Variants in PRRG1 observed in about 807,000 individuals in gnomAD.
PRRG1 encodes the protein transmembrane gamma-carboxyglutamic acid protein 1.
PRRG1 carries 5 observed loss-of-function variants against 11.8 expected under a neutral mutation model. That is an observed-to-expected ratio of 0.42 (90% CI 0.22 to 0.89). PRRG1 has a LOEUF of 0.89. PRRG1 is among the 40% of genes least tolerant of loss of function. PRRG1 has a pLI of 0.28. For missense variants in PRRG1, 155 were observed against 166.1 expected, an observed-to-expected ratio of 0.93 and a Z score of 0.37; for synonymous variants, 66 against 60.4, an observed-to-expected ratio of 1.09 and a Z score of -0.43.
chrX:37,450,068 G>A (rs1921061220), intron 3 of PRRG1, among the ~76,000 whole-genome samples: 1 of 112,398 alleles, frequency 8.9e-6, no homozygotes, highest in South Asian at 3.7e-4. Flanking sequence ...TTAATTGAAA[G>A]TATTTAATCT....
rs781802869 is a variant in PRRG1 at position 37,455,256 on chromosome X, G to A, written c.*1635G>A. On this transcript the variant is annotated 3_prime_UTR_variant, in exon 4 of 4. Coordinates refer to ENST00000378628, the MANE Select transcript of PRRG1 (RefSeq NM_001142395.2). ...CCCTCAACCTCCTCAACTCTAAAATGGGGATAACATCATTTGTCCTGCACT... is the reference window on the plus strand; with the variant it reads ...CCCTCAACCTCCTCAACTCTAAAATAGGGATAACATCATTTGTCCTGCACT... 1.8e-5 allele frequency: 2 copies of A among 112,063 alleles called. No homozygotes were observed. Among genetic ancestry groups the A allele is most frequent in the Admixed American group, 9.4e-5 (1 of 10,584 alleles). The allele number at this position is 112,063 out of a possible 1,213,427, so 9.2% of individuals were successfully genotyped here. A position where few individuals can be genotyped will look rare whatever the true frequency, so the allele number is the denominator to read the frequency against.
At chrX:37,403,725 A>T in intron 1 of PRRG1, 1 of 752,248 alleles carries the variant, frequency 1.3e-6, no homozygotes, top group Non-Finnish European at 1.6e-6. Context: ...ACCAGAGACT[A>T]GAACAGCAGA....
intron 1 of PRRG1, among the ~76,000 whole-genome samples, chrX:37,394,184 C>T (rs1317684514): frequency 8.9e-6 from 1 of 111,856 alleles, no homozygotes; most frequent in Non-Finnish European, 1.9e-5. Flanking sequence ...ACAACAAATA[C>T]CAGTTGAATT....
At chrX:37,393,735 G>A (rs1931621804) in intron 1 of PRRG1, among the ~76,000 whole-genome samples, 1 of 112,116 alleles carries the variant, frequency 8.9e-6, no homozygotes, top group African/African-American at 3.2e-5. Flanking sequence ...TAGACTCTAA[G>A]CTCTATTAGG....
At chrX:37,445,733 A>G (rs1250694814) in intron 3 of PRRG1, among the ~76,000 whole-genome samples, 3 of 112,693 alleles carry the variant, frequency 2.7e-5, no homozygotes, top group African/African-American at 9.7e-5. Context: ...TTGGCAACCT[A>G]TTTGTTTTTT....
At chrX:37,379,031 C>CTTTTT (rs56857980) in intron 1 of PRRG1, among the ~76,000 whole-genome samples, 1 of 28,774 alleles carries the variant, frequency 3.5e-5, no homozygotes, top group Non-Finnish European at 6.1e-5. Flanking sequence ...CATCTTTTTG[C>CTTTTT]TTTTTTTTTT....
intron 1 of PRRG1, among the ~76,000 whole-genome samples, chrX:37,402,367 C>G (rs1430389510): frequency 2.7e-5 from 3 of 111,479 alleles, no homozygotes; most frequent in Non-Finnish European, 5.6e-5. Flanking sequence ...ACAAACCTGA[C>G]AAAAACAAGC....
intron 1 of PRRG1, among the ~76,000 whole-genome samples, chrX:37,390,112 T>C (rs1482679439): frequency 9.0e-6 from 1 of 111,621 alleles, no homozygotes; most frequent in African/African-American, 3.3e-5. Context: ...TACTCTCTGC[T>C]TCAAAGATGG....
intron 1 of PRRG1, among the ~76,000 whole-genome samples, chrX:37,366,676 G>A (rs1556369419): frequency 8.9e-6 from 1 of 111,758 alleles, no homozygotes; most frequent in Non-Finnish European, 1.9e-5. Flanking sequence ...CTTTGGTAAT[G>A]TTTAACTGTG....
chrX:37,438,737 CT>C (rs1191246970), intron 3 of PRRG1, among the ~76,000 whole-genome samples: 2 of 111,358 alleles, frequency 1.8e-5, no homozygotes, highest in Non-Finnish European at 3.8e-5. Flanking sequence ...ATGCCCGGCC[CT>C]TTTCTCTTTT....
intron 1 of PRRG1, chrX:37,386,555 T>A: frequency 8.9e-6 from 1 of 112,228 alleles, no homozygotes; most frequent in East Asian, 2.8e-4. Context: ...CATACTTACA[T>A]TTGCTCACAC....
At chrX:37,423,772 C>T (rs2146604660) in intron 2 of PRRG1, among the ~76,000 whole-genome samples, 1 of 111,221 alleles carries the variant, frequency 9.0e-6, no homozygotes, top group South Asian at 3.8e-4. Flanking sequence ...TAGGCCTTCA[C>T]ATTCACTCAC....
At chrX:37,405,140 C>T (rs142078192) in intron 1 of PRRG1, among the ~76,000 whole-genome samples, 2,272 of 111,982 alleles carry the variant, frequency 0.02, 57 homozygotes, top group African/African-American at 0.069. Flanking sequence ...TTACTATGAC[C>T]TTCTTTATCT....
At chrX:37,352,311 A>G (rs1376960157) in intron 1 of PRRG1, among the ~76,000 whole-genome samples, 1 of 112,380 alleles carries the variant, frequency 8.9e-6, no homozygotes, top group Admixed American at 9.4e-5. Context: ...TCCCTTATTC[A>G]TCTAAATGCA....
intron 1 of PRRG1, among the ~76,000 whole-genome samples, chrX:37,398,246 G>A (rs1931793957): frequency 9.0e-6 from 1 of 111,104 alleles, no homozygotes; most frequent in Non-Finnish European, 1.9e-5. Context: ...GGGGCGGACT[G>A]ACGCCTCACA....
rs185086078 is a variant in PRRG1 at position 37,394,746 on chromosome X, A to G, written c.-41-11463A>G. Among the ~76,000 whole-genome samples, 670 of 110,595 alleles carry G rather than the reference A, an allele frequency of 6.1e-3. 2 individuals carry two copies. Among genetic ancestry groups the G allele is most frequent in the African/African-American group, 0.021 (629 of 30,388 alleles). ...GAAAGAGGGGCAAGTACATTTAAGG[A>G]ACATCAAAAATGGCAAAGGAACTCT... On this transcript the variant is annotated intron_variant, in intron 1 of 3. Transcript: ENST00000378628.
chrX:37,400,057 A>T (rs782543928), intron 1 of PRRG1, among the ~76,000 whole-genome samples: 2 of 111,585 alleles, frequency 1.8e-5, no homozygotes, highest in East Asian at 5.6e-4. Context: ...CCCACTATCA[A>T]CATTAGACAG....
At chrX:37,371,044 G>T in intron 1 of PRRG1, among the ~76,000 whole-genome samples, 2 of 111,913 alleles carry the variant, frequency 1.8e-5, no homozygotes, top group East Asian at 5.7e-4. Flanking sequence ...TTCAAGTCAG[G>T]GAAGGCCTGA....
intron 1 of PRRG1, among the ~76,000 whole-genome samples, chrX:37,375,295 T>C (rs1930902317): frequency 1.8e-5 from 2 of 111,284 alleles, no homozygotes; most frequent in Non-Finnish European, 3.8e-5. Flanking sequence ...ATAGGAAGGC[T>C]AAATGGGGAC....
Sources: gnomAD v4.1 joint callset for allele counts (sites outside exome capture counted in the v4.1 genomes callset) on GRCh38, gnomAD v4.1.1 for gene constraint, MANE v1.5 for transcripts, NCBI Gene and HGNC (gene_info 2026-07-23, HGNC 2026-07-21) for gene names.